Variants in SLC16A12 observed in about 807,000 individuals in gnomAD.
SLC16A12 encodes monocarboxylate transporter 12.
In SLC16A12, 17 loss-of-function variants were observed where a neutral mutation model predicts 42.4. The ratio of observed to expected loss-of-function variants is 0.40; its 90% confidence interval spans 0.27 to 0.60. The LOEUF is 0.60. Ranked by LOEUF, SLC16A12 falls within the 20% of genes least tolerant of loss-of-function variation. SLC16A12 has a pLI of 0.42. For synonymous variants in SLC16A12, 224 were observed against 229.4 expected, an observed-to-expected ratio of 0.98 and a Z score of 0.21; for missense variants, 544 against 623.0, an observed-to-expected ratio of 0.87 and a Z score of 1.35.
At chr10:89,462,808 G>A in intron 2 of SLC16A12, 184 bp from the exon 3 acceptor site, 1 of 610,776 alleles carries the variant, frequency 1.6e-6, no homozygotes, top group Admixed American at 3.7e-5. Flanking sequence ...AAATAAAATA[G>A]AACCTCTCAA....
chr10:89,519,023 A>G (rs1288065267), intron 2 of SLC16A12, among the ~76,000 whole-genome samples: 4 of 152,244 alleles, frequency 2.6e-5, no homozygotes, highest in Admixed American at 2.6e-4. Context: ...TGGTTGCTAC[A>G]TAGCTTCAGC....
chr10:89,477,881 C>A (rs1033089447), intron 2 of SLC16A12, among the ~76,000 whole-genome samples: 4 of 150,242 alleles, frequency 2.7e-5, no homozygotes, highest in African/African-American at 4.9e-5. Flanking sequence ...CCCCCACCCC[C>A]ACCCCGATGA....
intron 3 of SLC16A12, among the ~76,000 whole-genome samples, chr10:89,452,805 A>G (rs1190175074): frequency 6.6e-6 from 1 of 152,214 alleles, no homozygotes; most frequent in Non-Finnish European, 1.5e-5. Flanking sequence ...GGCCTAACAA[A>G]TTCTCAGTCA....
intron 2 of SLC16A12, among the ~76,000 whole-genome samples, chr10:89,521,263 C>T (rs547043716): frequency 2.6e-5 from 4 of 152,308 alleles, no homozygotes; most frequent in African/African-American, 9.6e-5. Context: ...AAAGCCAGTC[C>T]AAGTCGAGAT....
At chr10:89,517,847 A>G (rs141343412) in intron 2 of SLC16A12, among the ~76,000 whole-genome samples, 37 of 152,308 alleles carry the variant, frequency 2.4e-4, no homozygotes, top group African/African-American at 8.7e-4. Flanking sequence ...ATACATTGTG[A>G]GTTATCCCCC....
chr10:89,489,432 C>T (rs772853060), intron 2 of SLC16A12, among the ~76,000 whole-genome samples: 9 of 152,064 alleles, frequency 5.9e-5, no homozygotes, highest in African/African-American at 9.7e-5. Context: ...CTCTGTCTCC[C>T]GGGCTCAAGG....
At chr10:89,435,973 C>A (rs1353228715) in intron 7 of SLC16A12, 87 bp downstream of exon 7, 2 of 1,568,852 alleles carry the variant, frequency 1.3e-6, no homozygotes, top group East Asian at 2.3e-5. Context: ...CTTGACAGTC[C>A]TTCTCATTGA....
At chr10:89,471,883 T>C (rs1002256605) in intron 2 of SLC16A12, among the ~76,000 whole-genome samples, 2 of 152,258 alleles carry the variant, frequency 1.3e-5, no homozygotes, top group African/African-American at 4.8e-5. Context: ...ACTAATTATA[T>C]TAACCAATTT....
In SLC16A12 at chr10:89,462,376, T is replaced by C. The variant is rs958361677; in HGVS notation, c.200+3A>G. ...AATAAGTTAAGAAGAAAATCCTACC[T>C]ACCTTGTGACTGCCCGTGTGCAGAT... On this transcript the variant is annotated splice_donor_region_variant and intron_variant, in intron 3 of 7. Coordinates refer to ENST00000371790, the MANE Select transcript of SLC16A12 (RefSeq NM_213606.4). 5.0e-6 allele frequency: 8 copies of C among 1,613,844 alleles called. No individual in the cohort carries two copies. The highest frequency in any genetic ancestry group is 5.1e-6 in the Non-Finnish European group (6 of 1,179,918).
chr10:89,473,258 G>C (rs1300377579), intron 2 of SLC16A12, among the ~76,000 whole-genome samples: 1 of 151,946 alleles, frequency 6.6e-6, no homozygotes, highest in East Asian at 1.9e-4. Context: ...CTGATTTCAA[G>C]ACTTGTTCTA....
chr10:89,452,313 A>G (rs1589669959), intron 3 of SLC16A12, among the ~76,000 whole-genome samples: 4 of 152,346 alleles, frequency 2.6e-5, no homozygotes, highest in Admixed American at 2.6e-4. Flanking sequence ...ATATGTATGT[A>G]TGTATGAGCT....
At chr10:89,519,660 G>T (rs769456566) in intron 2 of SLC16A12, among the ~76,000 whole-genome samples, 4 of 151,784 alleles carry the variant, frequency 2.6e-5, no homozygotes, top group Non-Finnish European at 5.9e-5. Context: ...GGCAGGAATT[G>T]ATGTAGGCTG....
intron 3 of SLC16A12, among the ~76,000 whole-genome samples, chr10:89,460,744 C>CAAAAAA (rs751005622): frequency 1.5e-5 from 1 of 68,440 alleles, no homozygotes. Context: ...GACACTGTCT[C>CAAAAAA]AAAAAAAAAA....
intron 2 of SLC16A12, among the ~76,000 whole-genome samples, chr10:89,488,275 A>C (rs1397622100): frequency 2.0e-5 from 3 of 152,044 alleles, no homozygotes; most frequent in African/African-American, 7.2e-5. Context: ...CTTAATCATA[A>C]GGAAGGTTTT....
chr10:89,500,029 C>A (rs974439304), intron 2 of SLC16A12, among the ~76,000 whole-genome samples: 60 of 152,058 alleles, frequency 3.9e-4, no homozygotes, highest in African/African-American at 1.4e-3. Flanking sequence ...CCTTTATGGG[C>A]ATAAACTAGA....
At chr10:89,482,236 C>CA (rs368466973) in intron 2 of SLC16A12, among the ~76,000 whole-genome samples, 46,831 of 106,184 alleles carry the variant, frequency 0.44, 8,640 homozygotes, top group Non-Finnish European at 0.51. Context: ...AAGAATACAC[C>CA]AAAAAAAAAA....
At chr10:89,488,159 C>T (rs1221901338) in intron 2 of SLC16A12, among the ~76,000 whole-genome samples, 1 of 151,606 alleles carries the variant, frequency 6.6e-6, no homozygotes, top group Non-Finnish European at 1.5e-5. Flanking sequence ...ATGGGACACA[C>T]TAGAAGCCCA....
chr10:89,544,091 A>G (rs1333367158), intron 2 of SLC16A12, among the ~76,000 whole-genome samples: 1 of 152,174 alleles, frequency 6.6e-6, no homozygotes, highest in Non-Finnish European at 1.5e-5. Context: ...TGGGAGACTC[A>G]TTCAGTTGGT....
chr10:89,549,380 G>C (rs2133889517), intron 2 of SLC16A12, among the ~76,000 whole-genome samples: 1 of 152,316 alleles, frequency 6.6e-6, no homozygotes, highest in South Asian at 2.1e-4. Flanking sequence ...CTTCAGCAGA[G>C]ACACATTTAC....
Sources: allele counts gnomAD v4.1 joint callset (sites outside exome capture counted in the v4.1 genomes callset), GRCh38; gene constraint gnomAD v4.1.1; transcripts MANE v1.5; gene names NCBI Gene and HGNC (gene_info 2026-07-23, HGNC 2026-07-21).